Variants in MAML3 observed in about 807,000 individuals in gnomAD.
The protein encoded by MAML3 is mastermind like transcriptional coactivator 3, also known as mastermind-like protein 3.
A neutral mutation model predicts 101.9 loss-of-function variants in MAML3; 27 were observed. The ratio of observed to expected loss-of-function variants is 0.27; its 90% CI spans 0.20 to 0.37. The LOEUF is 0.37. MAML3 is among the 10% of genes least tolerant of loss of function. The pLI is 1.00. For missense variants in MAML3, 1,316 were observed against 1,444.9 expected (o/e 0.91, Z 1.45); for synonymous variants, 501 against 555.9 (o/e 0.90, Z 1.39).
In MAML3 at chr4:139,760,597, G is replaced by A. The variant is rs942236962; in HGVS notation, c.2080-29930C>T. ...TTCATTGTATACAGAACACCAAGGC[G>A]CTTCATTGCCCAAAGGAACAGTAAG... On this transcript the variant is annotated intron_variant, in intron 2 of 4. Transcript: ENST00000509479. 1.4e-4 allele frequency among the ~76,000 whole-genome samples: 22 copies of A among 152,184 alleles called. 1 individual carries two copies. Among genetic ancestry groups the A allele is most frequent in the Admixed American group, 6.5e-5 (1 of 15,278 alleles).
At chr4:139,985,259 G>T (rs573437505) in intron 1 of MAML3, among the ~76,000 whole-genome samples, 1 of 152,318 alleles carries the variant, frequency 6.6e-6, no homozygotes, top group African/African-American at 2.4e-5. Context: ...CTTTCTTACA[G>T]GCAACTATTT....
At chr4:140,005,572 C>T (rs1726430000) in intron 1 of MAML3, among the ~76,000 whole-genome samples, 1 of 152,162 alleles carries the variant, frequency 6.6e-6, no homozygotes, top group Non-Finnish European at 1.5e-5. Context: ...CATCAGACAA[C>T]AAATTAAAAT....
intron 2 of MAML3, among the ~76,000 whole-genome samples, chr4:139,860,402 G>A (rs963599472): frequency 2.0e-5 from 3 of 152,256 alleles, no homozygotes; most frequent in African/African-American, 4.8e-5. Flanking sequence ...GAAACAGGCA[G>A]GCAGTTGCGG....
chr4:139,871,960 T>C (rs1053372065), intron 2 of MAML3, among the ~76,000 whole-genome samples: 1 of 152,256 alleles, frequency 6.6e-6, no homozygotes, highest in Non-Finnish European at 1.5e-5. Context: ...TTATTTTAGT[T>C]TCAAAAACAT....
chr4:139,885,932 CAAAAAAAA>C (rs1182443191), intron 2 of MAML3, among the ~76,000 whole-genome samples: 1,328 of 20,258 alleles, frequency 0.066, 20 homozygotes, highest in African/African-American at 0.17. Flanking sequence ...GACTCCGTCT[CAAAAAAAA>C]AAAAAAAAAA....
intron 1 of MAML3, among the ~76,000 whole-genome samples, chr4:140,060,699 T>A (rs113018282): frequency 9.8e-5 from 15 of 152,302 alleles, no homozygotes; most frequent in African/African-American, 3.6e-4. Flanking sequence ...AACCATTGCC[T>A]AAGTAAAATG....
chr4:140,057,173 G>A (rs573966915), intron 1 of MAML3, among the ~76,000 whole-genome samples: 2 of 152,294 alleles, frequency 1.3e-5, no homozygotes, highest in South Asian at 2.1e-4. Flanking sequence ...CTATTTGGGC[G>A]GTTAATGTGG....
chr4:140,092,119 C>T (rs980020345), intron 1 of MAML3, among the ~76,000 whole-genome samples: 196 of 121,864 alleles, frequency 1.6e-3, no homozygotes, highest in African/African-American at 5.8e-3. Flanking sequence ...TATATATATA[C>T]GTATATATAT....
chr4:139,758,530 C>T (rs1472973068), intron 2 of MAML3, among the ~76,000 whole-genome samples: 1 of 152,176 alleles, frequency 6.6e-6, no homozygotes, highest in Non-Finnish European at 1.5e-5. Context: ...TCTGAAACCT[C>T]GATTTGTATG....
At chr4:139,826,114 GC>G (rs1731056491) in intron 2 of MAML3, among the ~76,000 whole-genome samples, 1 of 151,952 alleles carries the variant, frequency 6.6e-6, no homozygotes, top group African/African-American at 2.4e-5. Flanking sequence ...ATTCACAGAA[GC>G]TTTTTCCTTC....
At chr4:139,776,709 G>A (rs894927099) in intron 2 of MAML3, among the ~76,000 whole-genome samples, 51 of 152,218 alleles carry the variant, frequency 3.4e-4, no homozygotes, top group Admixed American at 2.7e-3. Context: ...CCTGGGCATA[G>A]ACAGAAGCCA....
intron 2 of MAML3, among the ~76,000 whole-genome samples, chr4:139,774,311 A>G (rs1021807341): frequency 6.6e-6 from 1 of 152,234 alleles, no homozygotes; most frequent in Non-Finnish European, 1.5e-5. Flanking sequence ...TGTCTCCTCC[A>G]AGTCTGTAAG....
chr4:139,978,204 C>G (rs917358364), intron 1 of MAML3, among the ~76,000 whole-genome samples: 6 of 152,178 alleles, frequency 3.9e-5, no homozygotes, highest in Admixed American at 2.6e-4. Context: ...AAAAAAAAGT[C>G]TTTGGACCAA....
chr4:140,068,604 C>G (rs548421222), intron 1 of MAML3, among the ~76,000 whole-genome samples: 9 of 152,156 alleles, frequency 5.9e-5, no homozygotes, highest in Non-Finnish European at 1.3e-4. Context: ...AAATCCTAAC[C>G]CGGTCACTTC....
intron 3 of MAML3, among the ~76,000 whole-genome samples, chr4:139,729,156 C>CAAA (rs4057275): frequency 1.7e-4 from 14 of 81,680 alleles, no homozygotes; most frequent in Non-Finnish European, 2.5e-4. Context: ...GGAACAAAAG[C>CAAA]AAAAAAAAAA....
chr4:139,887,683 C>T (rs919669221), intron 2 of MAML3, among the ~76,000 whole-genome samples: 3 of 152,160 alleles, frequency 2.0e-5, no homozygotes, highest in African/African-American at 7.2e-5. Flanking sequence ...ATTAATTATT[C>T]ATCTTTGGTC....
chr4:139,959,442 A>T (rs1467309733), intron 1 of MAML3, among the ~76,000 whole-genome samples: 2 of 152,236 alleles, frequency 1.3e-5, no homozygotes, highest in Non-Finnish European at 2.9e-5. Flanking sequence ...GTTTCAAGAC[A>T]TATCTGCTTC....
chr4:140,131,348 C>A (rs1728789984), intron 1 of MAML3, among the ~76,000 whole-genome samples: 1 of 152,180 alleles, frequency 6.6e-6, no homozygotes. Context: ...TCACAAAGTT[C>A]ATTGTAGCAG....
At chr4:139,722,121 C>T (rs1579358434) in intron 4 of MAML3, among the ~76,000 whole-genome samples, 1 of 152,138 alleles carries the variant, frequency 6.6e-6, no homozygotes, top group Non-Finnish European at 1.5e-5. Context: ...TAGATACTGT[C>T]TGGAATAATT....
Sources: gnomAD v4.1 joint callset for allele counts (sites outside exome capture counted in the v4.1 genomes callset) on GRCh38, gnomAD v4.1.1 for gene constraint, MANE v1.5 for transcripts, NCBI Gene and HGNC (gene_info 2026-07-23, HGNC 2026-07-21) for gene names.